The following KCNQ5 variants were observed in gnomAD, a reference collection of about 807,000 sequenced individuals.
The protein encoded by KCNQ5 is potassium voltage-gated channel subfamily KQT member 5.
In KCNQ5, 30 loss-of-function variants were observed where a neutral mutation model predicts 98.2. That is an observed-to-expected ratio of 0.31 (90% CI 0.23 to 0.41). The LOEUF is 0.41. KCNQ5 is among the 10% of genes least tolerant of loss of function. KCNQ5 has a pLI of 1.00. For missense variants in KCNQ5, 835 were observed against 1,182.5 expected, an observed-to-expected ratio of 0.71 and a Z score of 4.31; for synonymous variants, 458 against 449.4, an observed-to-expected ratio of 1.02 and a Z score of -0.24.
At chr6:72,983,804 C>T (rs2153833) in intron 1 of KCNQ5, among the ~76,000 whole-genome samples, 151,924 of 152,314 alleles carry the variant, frequency 1, 75,771 homozygotes, top group Middle Eastern at 1. Context: ...TCCCCATCTT[C>T]GTGGTTTTAT....
chr6:72,728,161 A>T (rs1770383242), intron 1 of KCNQ5, among the ~76,000 whole-genome samples: 1 of 152,196 alleles, frequency 6.6e-6, no homozygotes, highest in Non-Finnish European at 1.5e-5. Flanking sequence ...TAGCTATGGG[A>T]AAGAGTATTA....
At chr6:73,109,149 T>C (rs1237617313) in intron 6 of KCNQ5, among the ~76,000 whole-genome samples, 1 of 152,216 alleles carries the variant, frequency 6.6e-6, no homozygotes, top group Non-Finnish European at 1.5e-5. Flanking sequence ...ACTGCTGTAA[T>C]GTACAGTCTG....
chr6:72,640,421 A>G (rs1253012405), intron 1 of KCNQ5, among the ~76,000 whole-genome samples: 2 of 137,506 alleles, frequency 1.5e-5, no homozygotes, highest in Admixed American at 6.9e-5. Flanking sequence ...TAATAGACAC[A>G]TGTGAAAAAA....
At chr6:72,633,855 C>A (rs962131117) in intron 1 of KCNQ5, among the ~76,000 whole-genome samples, 1 of 152,138 alleles carries the variant, frequency 6.6e-6, no homozygotes, top group South Asian at 2.1e-4. Flanking sequence ...AAACTGGACC[C>A]CTACCTTTCA....
chr6:72,782,297 TAA>T (rs950867248), intron 1 of KCNQ5, among the ~76,000 whole-genome samples: 10 of 152,070 alleles, frequency 6.6e-5, no homozygotes, highest in African/African-American at 2.4e-4. Context: ...ATCCTGATGA[TAA>T]AGAGAAAGAC....
intron 1 of KCNQ5, among the ~76,000 whole-genome samples, chr6:72,650,333 G>A (rs1765812968): frequency 6.6e-6 from 1 of 151,940 alleles, no homozygotes; most frequent in South Asian, 2.1e-4. Flanking sequence ...TCACATTTTA[G>A]ACAACTGCTT....
intron 2 of KCNQ5, among the ~76,000 whole-genome samples, chr6:73,023,467 G>T (rs537527872): frequency 2.0e-5 from 3 of 152,094 alleles, no homozygotes; most frequent in Admixed American, 1.3e-4. Flanking sequence ...GGGAACTCGT[G>T]AGGTGGAGAG....
chr6:73,123,411 T>C (rs929668700), intron 8 of KCNQ5, among the ~76,000 whole-genome samples: 7 of 152,156 alleles, frequency 4.6e-5, no homozygotes, highest in African/African-American at 1.7e-4. Flanking sequence ...TTTAAAGACA[T>C]AGTGGGATGC....
chr6:72,818,139 T>G lies in KCNQ5; in HGVS notation c.399-185769T>G, dbSNP rs572493738. Among the ~76,000 whole-genome samples, 10 of 152,242 alleles carry G rather than the reference T, an allele frequency of 6.6e-5. No individual in the cohort carries two copies. The South Asian group carries it at 2.1e-3, about 32-fold the overall frequency. On this transcript the variant is annotated intron_variant, in intron 1 of 13. Coordinates refer to ENST00000370398, the MANE Select transcript of KCNQ5 (RefSeq NM_019842.4). ...TAATAAAATTAGCCCTTTTACATCATAAGAATTTGAAAAAGTTGTGAATAA... is the reference window on the plus strand; with the variant it reads ...TAATAAAATTAGCCCTTTTACATCAGAAGAATTTGAAAAAGTTGTGAATAA...
chr6:72,800,433 C>CT (rs1441662142), intron 1 of KCNQ5, among the ~76,000 whole-genome samples: 1 of 152,176 alleles, frequency 6.6e-6, no homozygotes, highest in Non-Finnish European at 1.5e-5. Context: ...GTAGTATTCT[C>CT]TGATGGTAGT....
chr6:72,771,490 G>A (rs2154477446), intron 1 of KCNQ5, among the ~76,000 whole-genome samples: 1 of 152,164 alleles, frequency 6.6e-6, no homozygotes, highest in Non-Finnish European at 1.5e-5. Flanking sequence ...CATCCCAGCA[G>A]ATATGAAGTT....
At chr6:72,885,655 A>G (rs1010158474) in intron 1 of KCNQ5, among the ~76,000 whole-genome samples, 33 of 152,314 alleles carry the variant, frequency 2.2e-4, no homozygotes, top group African/African-American at 7.2e-4. Flanking sequence ...GCCTGAATTA[A>G]AGAGCGATTT....
intron 10 of KCNQ5, chr6:73,157,612 A>C (rs557630829): frequency 1.3e-6 from 1 of 772,462 alleles, no homozygotes; most frequent in African/African-American, 1.7e-5. Flanking sequence ...CGGTAGTGGC[A>C]GCTGGGTAGG....
At chr6:73,067,875 T>G (rs1773123389) in intron 3 of KCNQ5, among the ~76,000 whole-genome samples, 1 of 572 alleles carries the variant, frequency 1.7e-3, no homozygotes, top group Non-Finnish European at 0.01. Context: ...TATATATATA[T>G]ATATATATAT....
chr6:73,077,903 C>G lies in KCNQ5; in HGVS notation c.918+16C>G. 6.4e-7 allele frequency: 1 copy of G among 1,562,750 alleles called. No individual in the cohort carries two copies. Among genetic ancestry groups the G allele is most frequent in the East Asian group, 2.3e-5 (1 of 44,246 alleles). On this transcript the variant is annotated intron_variant, in intron 5 of 13. Transcript: ENST00000370398. The stretch of plus-strand genomic sequence containing the variant: ...GTGGGGCACAGTAAGTATAAAAATA[C>G]ATTTTTTATTTATTGGATGTTGTGA...
At chr6:72,706,381 G>T (rs1035379204) in intron 1 of KCNQ5, among the ~76,000 whole-genome samples, 1 of 151,774 alleles carries the variant, frequency 6.6e-6, no homozygotes, top group Non-Finnish European at 1.5e-5. Flanking sequence ...TTTAAAAGAT[G>T]CCTTGCTTTG....
chr6:72,699,896 G>T (rs747899515), intron 1 of KCNQ5, among the ~76,000 whole-genome samples: 4 of 152,106 alleles, frequency 2.6e-5, no homozygotes, highest in African/African-American at 9.7e-5. Context: ...TGTTTCGGGC[G>T]TCAAGCTTTC....
chr6:72,846,237 T>G (rs1196205096), intron 1 of KCNQ5, among the ~76,000 whole-genome samples: 1 of 152,014 alleles, frequency 6.6e-6, no homozygotes, highest in Admixed American at 6.6e-5. Context: ...TCAGAATAGG[T>G]CCCCTGGAAC....
chr6:73,050,208 CAGAG>C (rs374575521), intron 3 of KCNQ5, among the ~76,000 whole-genome samples: 1 of 136,832 alleles, frequency 7.3e-6, no homozygotes, highest in Non-Finnish European at 1.5e-5. Context: ...CAGAGTAAGA[CAGAG>C]AGAGAGAGAG....
Sources: gnomAD v4.1 joint callset for allele counts (sites outside exome capture counted in the v4.1 genomes callset) on GRCh38, gnomAD v4.1.1 for gene constraint, MANE v1.5 for transcripts, NCBI Gene and HGNC (gene_info 2026-07-23, HGNC 2026-07-21) for gene names.